The following EBF2 variants were observed in gnomAD, a reference collection of about 807,000 sequenced individuals.
EBF2 encodes the protein transcription factor COE2.
Under a neutral mutation model 72.8 loss-of-function variants are expected in EBF2, and 21 were observed. The ratio of observed to expected loss-of-function variants is 0.29; its 90% CI spans 0.20 to 0.42. The LOEUF (loss-of-function observed/expected upper bound fraction) is 0.42, where lower values mean the gene tolerates loss of function less well. Among genes scored for constraint, EBF2 ranks in the 10% least tolerant of loss-of-function variants. The pLI is 1.00. For synonymous variants in EBF2, 299 were observed against 274.2 expected, an observed-to-expected ratio of 1.09 and a Z score of -0.89; for missense variants, 637 against 731.2, an observed-to-expected ratio of 0.87 and a Z score of 1.49.
At position 25,844,339 on chromosome 8, in the gene EBF2, G is replaced by A; in HGVS notation, c.*270C>T. The A allele has an allele frequency of 2.9e-6, 1 of 339,608 alleles. No individual in the cohort carries two copies. The highest frequency in any genetic ancestry group is 2.1e-5 in the African/African-American group (1 of 48,066). 21.0% of individuals were successfully genotyped at this position (339,608 alleles called of 1,614,324 possible). ...AACATAGGAAGGTGGTTTTCATAAT[G>A]TTCATAACAAAGAATTGCATTTCTG... On this transcript the variant is annotated 3_prime_UTR_variant, in exon 16 of 16. Transcript: ENST00000520164.
intron 14 of EBF2, among the ~76,000 whole-genome samples, chr8:25,854,936 G>A (rs753192238): frequency 4.6e-5 from 7 of 152,142 alleles, no homozygotes; most frequent in Non-Finnish European, 7.4e-5. Context: ...CAAACTCTGC[G>A]TAGGCTTGGT....
At chr8:26,023,610 G>C (rs1460188949) in intron 6 of EBF2, among the ~76,000 whole-genome samples, 1 of 152,136 alleles carries the variant, frequency 6.6e-6, no homozygotes, top group African/African-American at 2.4e-5. Context: ...TTTGGATTCT[G>C]GCCTGAGTTT....
intron 6 of EBF2, among the ~76,000 whole-genome samples, chr8:26,030,991 T>G (rs1205851353): frequency 2.6e-5 from 4 of 152,198 alleles, no homozygotes; most frequent in Non-Finnish European, 5.9e-5. Flanking sequence ...TATCGGTGAA[T>G]GCAGTGAGAT....
chr8:25,868,081 T>C (rs754857406), intron 10 of EBF2, among the ~76,000 whole-genome samples: 1 of 152,262 alleles, frequency 6.6e-6, no homozygotes, highest in Non-Finnish European at 1.5e-5. Flanking sequence ...TAAGTACTTA[T>C]CTTTGCCACA....
At chr8:25,889,645 TC>T in intron 8 of EBF2, 106 bp downstream of exon 8, 1 of 863,826 alleles carries the variant, frequency 1.2e-6, no homozygotes, top group Non-Finnish European at 1.8e-6. Flanking sequence ...CCCACATTGT[TC>T]TGTGTACTTT....
chr8:25,903,187 GTTTTTT>G (rs542446501), intron 7 of EBF2, among the ~76,000 whole-genome samples: 1 of 132,526 alleles, frequency 7.5e-6, no homozygotes, highest in Non-Finnish European at 1.6e-5. Flanking sequence ...TTTTGTCTGG[GTTTTTT>G]TTTTTTTTTT....
intron 6 of EBF2, among the ~76,000 whole-genome samples, chr8:26,018,732 C>T (rs115180369): frequency 1.7e-3 from 261 of 151,712 alleles, no homozygotes; most frequent in African/African-American, 5.8e-3. Context: ...AAAAGAGCAC[C>T]GTGTGCTGAT....
intron 6 of EBF2, among the ~76,000 whole-genome samples, chr8:25,943,323 A>G (rs898195210): frequency 8.7e-5 from 13 of 149,890 alleles, no homozygotes; most frequent in Admixed American, 2.6e-4. Flanking sequence ...AAAAAAAAAA[A>G]AAAAAAAAAA....
intron 13 of EBF2, 66 bp from the exon 14 acceptor site, chr8:25,858,570 C>A: frequency 1.3e-6 from 2 of 1,521,180 alleles, no homozygotes; most frequent in Non-Finnish European, 1.8e-6. Context: ...ATGTGGCTAG[C>A]ACAGGTCCTC....
chr8:26,042,021 G>C (rs531660490), intron 2 of EBF2, 74 bp downstream of exon 2: 3 of 1,557,412 alleles, frequency 1.9e-6, no homozygotes, highest in Non-Finnish European at 2.6e-6. Context: ...TCGCGAGAGT[G>C]ACAGATGGAA....
chr8:25,886,519 A>G (rs3812416), intron 10 of EBF2, among the ~76,000 whole-genome samples: 10,499 of 152,232 alleles, frequency 0.069, 607 homozygotes, highest in Admixed American at 0.14. Context: ...ATTTTCAGAG[A>G]TGTGTTCCTG....
intron 6 of EBF2, among the ~76,000 whole-genome samples, chr8:25,909,344 T>G (rs1237059233): frequency 6.6e-6 from 1 of 152,008 alleles, no homozygotes; most frequent in Admixed American, 6.6e-5. Flanking sequence ...AGTTAATGTT[T>G]GAAAATTTGT....
intron 6 of EBF2, among the ~76,000 whole-genome samples, chr8:25,917,260 T>G (rs1362409405): frequency 3.3e-5 from 5 of 151,778 alleles, no homozygotes; most frequent in Admixed American, 3.3e-4. Flanking sequence ...CTGAATTCTA[T>G]TCCTCGACAC....
At chr8:25,942,889 A>G (rs1476404291) in intron 6 of EBF2, among the ~76,000 whole-genome samples, 1 of 152,120 alleles carries the variant, frequency 6.6e-6, no homozygotes. Context: ...AGATTTTTGC[A>G]TGGAATGAAC....
At chr8:25,933,565 A>G (rs984372565) in intron 6 of EBF2, among the ~76,000 whole-genome samples, 1 of 152,160 alleles carries the variant, frequency 6.6e-6, no homozygotes, top group African/African-American at 2.4e-5. Flanking sequence ...TTGACCCCGC[A>G]ATTCTATTTT....
chr8:25,849,503 G>A (rs920359897), intron 15 of EBF2, among the ~76,000 whole-genome samples: 1 of 152,118 alleles, frequency 6.6e-6, no homozygotes, highest in Non-Finnish European at 1.5e-5. Context: ...GATCCATGAG[G>A]GTTAATGAAA....
intron 14 of EBF2, among the ~76,000 whole-genome samples, chr8:25,851,311 C>T (rs1014987356): frequency 1.3e-5 from 2 of 149,082 alleles, no homozygotes; most frequent in Non-Finnish European, 3.0e-5. Context: ...AGTGTATTAA[C>T]ATTCAGAAAA....
At position 26,044,705 on chromosome 8, in the gene EBF2, A is replaced by C. The variant is rs753808384; in HGVS notation, c.131+24T>G. 3 of 1,612,342 alleles carry C rather than the reference A, an allele frequency of 1.9e-6. No homozygotes were observed. Reference sequence around the variant, plus strand: ...GACCGTAAGAGCGAGAGACAGCATAATAATTGCGCGGCCGTGTCGTTACCT... The same window carrying C: ...GACCGTAAGAGCGAGAGACAGCATACTAATTGCGCGGCCGTGTCGTTACCT... On this transcript the variant is annotated intron_variant, in intron 1 of 15. Coordinates refer to ENST00000520164, the MANE Select transcript of EBF2 (RefSeq NM_022659.4). The surrounding 1 kb of genome is among the most constrained non-coding windows in gnomAD (Gnocchi z 4.1).
chr8:25,852,122 G>GA (rs1801992176), intron 14 of EBF2, among the ~76,000 whole-genome samples: 1 of 151,896 alleles, frequency 6.6e-6, no homozygotes. Context: ...TGGATAAAAA[G>GA]AAAAAAATTG....
Sources: gnomAD v4.1 joint callset for allele counts (sites outside exome capture counted in the v4.1 genomes callset) on GRCh38, gnomAD v4.1.1 for gene constraint, Gnocchi (gnomAD v3.1) non-coding constraint, MANE v1.5 for transcripts, NCBI Gene and HGNC (gene_info 2026-07-23, HGNC 2026-07-21) for gene names.